Variants in ARHGAP39 observed in about 807,000 individuals in gnomAD.
ARHGAP39 encodes rho GTPase-activating protein 39.
ARHGAP39 carries 44 observed loss-of-function variants against 106.9 expected under a neutral mutation model. That is an observed-to-expected ratio of 0.41 (90% CI 0.32 to 0.53). The LOEUF (loss-of-function observed/expected upper bound fraction) is 0.53, where lower values mean the gene tolerates loss of function less well. ARHGAP39 is among the 20% of genes least tolerant of loss of function. The pLI, the probability that ARHGAP39 is intolerant of heterozygous loss-of-function variation, is 0.21. For missense variants in ARHGAP39, 1,496 were observed against 1,577.3 expected, an observed-to-expected ratio of 0.95 and a Z score of 0.87; for synonymous variants, 768 against 693.2, an observed-to-expected ratio of 1.11 and a Z score of -1.69.
At chr8:144,589,115 G>A (rs549240607) in intron 2 of ARHGAP39, among the ~76,000 whole-genome samples, 6 of 152,248 alleles carry the variant, frequency 3.9e-5, no homozygotes, top group South Asian at 2.1e-4. Flanking sequence ...AGGCACCGGC[G>A]GCATGACGGC....
chr8:144,574,152 A>T (rs1213462814), intron 3 of ARHGAP39, among the ~76,000 whole-genome samples: 2 of 149,310 alleles, frequency 1.3e-5, no homozygotes, highest in African/African-American at 5.0e-5. Flanking sequence ...GGTGACAGAA[A>T]AAAAAAAAAA....
intron 1 of ARHGAP39, among the ~76,000 whole-genome samples, chr8:144,612,895 A>AT (rs968999957): frequency 5.3e-5 from 8 of 152,218 alleles, no homozygotes; most frequent in Admixed American, 3.3e-4. Context: ...GTGAGTATTG[A>AT]TTTTTTATGC....
Position 144,646,723 on chromosome 8 carries a change from C to G in ARHGAP39, c.-82+38963G>C, listed in dbSNP as rs1036040791. 3.3e-5 allele frequency among the ~76,000 whole-genome samples: 5 copies of G among 152,180 alleles called. No individual in the cohort carries two copies. The highest frequency in any genetic ancestry group is 7.3e-5 in the Non-Finnish European group (5 of 68,038). The stretch of plus-strand genomic sequence containing the variant: ...CCTCTCTGAGCCAAGGGCATGGGAA[C>G]CTGCAGGAGACAGCCTGGTCCTGGT... On this transcript the variant is annotated intron_variant, in intron 1 of 11. Transcript: ENST00000377307. This position sits in a 1 kb window ranked among gnomAD's most constrained non-coding sequence, Gnocchi z 5.7.
intron 2 of ARHGAP39, among the ~76,000 whole-genome samples, chr8:144,581,754 C>T (rs1158655002): frequency 2.6e-5 from 4 of 152,218 alleles, no homozygotes; most frequent in Non-Finnish European, 5.9e-5. Flanking sequence ...GCTGTGTTCT[C>T]CCAAGGATCC....
intron 2 of ARHGAP39, among the ~76,000 whole-genome samples, chr8:144,599,578 T>C (rs1819765115): frequency 6.6e-6 from 1 of 152,192 alleles, no homozygotes; most frequent in African/African-American, 2.4e-5. Flanking sequence ...TGAATGTGCC[T>C]GTGTACGGTT....
At chr8:144,688,271 T>G (rs1822676009), upstream of ARHGAP39, among the ~76,000 whole-genome samples, 1 of 151,994 alleles carries the variant, frequency 6.6e-6, no homozygotes, top group Non-Finnish European at 1.5e-5. Flanking sequence ...TCCTGGCTAA[T>G]TTTTTGTATT....
chr8:144,688,105 C>CTT (rs201473241), upstream of ARHGAP39, among the ~76,000 whole-genome samples: 1,196 of 140,226 alleles, frequency 8.5e-3, 13 homozygotes, highest in African/African-American at 0.031. Flanking sequence ...ACATTTAACT[C>CTT]TTTTTTTTTT....
intron 9 of ARHGAP39, 56 bp downstream of exon 9, chr8:144,533,070 C>T: frequency 6.4e-7 from 1 of 1,561,266 alleles, no homozygotes; most frequent in Non-Finnish European, 8.7e-7. Context: ...GCCACAGATG[C>T]ATGGTGGACA....
chr8:144,580,926 G>C lies in ARHGAP39; in HGVS notation c.432C>G (p.Pro144=), dbSNP rs750801823. 3 of 1,605,230 alleles carry C rather than the reference G, an allele frequency of 1.9e-6. No homozygotes were observed. Among genetic ancestry groups the C allele is most frequent in the South Asian group, 1.1e-5 (1 of 90,606 alleles). Residue 144 remains proline, a synonymous_variant, in exon 3 of 12, where the codon CCC becomes CCG. Transcript: ENST00000377307. The stretch of plus-strand genomic sequence containing the variant: ...GCAACTCCTGCGCTTTCTCAGTGTC[G>C]GGCTCGGGCTCCAGGGAGGAGCTGG... ...GSTSSSLEPE[P]DTEKAQELPA...
chr8:144,602,137 G>A (rs111206474), intron 2 of ARHGAP39, among the ~76,000 whole-genome samples: 279 of 147,348 alleles, frequency 1.9e-3, no homozygotes, highest in African/African-American at 5.9e-3. Flanking sequence ...GTGTGTGTGC[G>A]AGCTCATGTA....
At chr8:144,688,608 CGTA>C (rs1822683339), upstream of ARHGAP39, among the ~76,000 whole-genome samples, 1 of 152,092 alleles carries the variant, frequency 6.6e-6, no homozygotes, top group African/African-American at 2.4e-5. Context: ...ATTAGCCAGG[CGTA>C]GTCAAGAGGC....
chr8:144,617,349 G>A (rs60820167), intron 1 of ARHGAP39, among the ~76,000 whole-genome samples: 4,954 of 152,230 alleles, frequency 0.033, 218 homozygotes, highest in East Asian at 0.13. Context: ...GGCGGGACAA[G>A]CGGCGCAGCA....
At chr8:144,654,654 C>T (rs1419132176) in intron 1 of ARHGAP39, among the ~76,000 whole-genome samples, 2 of 152,178 alleles carry the variant, frequency 1.3e-5, no homozygotes, top group South Asian at 2.1e-4. Context: ...GCAGGAGCCC[C>T]GCCCCTTCTG....
At position 144,628,732 on chromosome 8, in the gene ARHGAP39, C is replaced by T. The variant is rs866702012; in HGVS notation, c.-81-23037G>A. ...AAATAACCCATGGGCCAAAGAACTACCCCAGGCTGCTGAATTCCTTGTGTC... is the reference window on the plus strand; with the variant it reads ...AAATAACCCATGGGCCAAAGAACTATCCCAGGCTGCTGAATTCCTTGTGTC... On this transcript the variant is annotated intron_variant, in intron 1 of 11. Transcript: ENST00000377307. Among the ~76,000 whole-genome samples, 111 of 152,322 alleles carry T rather than the reference C, an allele frequency of 7.3e-4. 2 individuals carry two copies. Among genetic ancestry groups the T allele is most frequent in the African/African-American group, 2.3e-3 (94 of 41,560 alleles).
chr8:144,608,289 A>AT (rs1820372257), intron 1 of ARHGAP39, among the ~76,000 whole-genome samples: 1 of 152,122 alleles, frequency 6.6e-6, no homozygotes, highest in Admixed American at 6.6e-5. Context: ...AAACAGCAGT[A>AT]TCAGTGAAGT....
intron 1 of ARHGAP39, among the ~76,000 whole-genome samples, chr8:144,638,382 G>A (rs924859993): frequency 2.6e-5 from 4 of 152,118 alleles, no homozygotes; most frequent in Admixed American, 2.0e-4. Context: ...CATTACCTAG[G>A]GACTCAAATC....
chr8:144,642,851 G>A (rs1003513270), intron 1 of ARHGAP39, among the ~76,000 whole-genome samples: 4 of 151,928 alleles, frequency 2.6e-5, no homozygotes, highest in East Asian at 3.9e-4. Context: ...TTAGCAGCAC[G>A]ATAACAGACT....
At chr8:144,629,650 G>C (rs1317942806) in intron 1 of ARHGAP39, among the ~76,000 whole-genome samples, 1 of 152,250 alleles carries the variant, frequency 6.6e-6, no homozygotes, top group African/African-American at 2.4e-5. Context: ...TAGCAGCTTT[G>C]TGTGGTACAC....
chr8:144,540,938 G>A (rs113675537), intron 6 of ARHGAP39, among the ~76,000 whole-genome samples: 7 of 152,172 alleles, frequency 4.6e-5, no homozygotes, highest in Non-Finnish European at 7.4e-5. Context: ...TGCAACCTCC[G>A]CCTCCTGGGT....
Sources: gnomAD v4.1 joint callset for allele counts (sites outside exome capture counted in the v4.1 genomes callset) on GRCh38, gnomAD v4.1.1 for gene constraint, Gnocchi (gnomAD v3.1) non-coding constraint, MANE v1.5 for transcripts, NCBI Gene and HGNC (gene_info 2026-07-23, HGNC 2026-07-21) for gene names.